COL26A1: variants seen among roughly 807,000 people sequenced by gnomAD.
COL26A1 encodes collagen type XXVI alpha 1 chain.
Under a neutral mutation model 59.3 loss-of-function variants are expected in COL26A1, and 41 were observed. That is an observed-to-expected ratio of 0.69 (90% CI 0.54 to 0.90). The LOEUF (loss-of-function observed/expected upper bound fraction) is 0.90, where lower values mean the gene tolerates loss of function less well. COL26A1 is among the 40% of genes least tolerant of loss of function. The probability of loss-of-function intolerance (pLI) is 0.00; values close to 1 mark genes in which losing one functional copy is unlikely to be tolerated. For synonymous variants in COL26A1, 266 were observed against 256.0 expected, an observed-to-expected ratio of 1.04 and a Z score of -0.37; for missense variants, 612 against 602.3, an observed-to-expected ratio of 1.02 and a Z score of -0.17.
chr7:101,534,646 C>A (rs536766091), intron 4 of COL26A1, among the ~76,000 whole-genome samples: 1 of 114,336 alleles, frequency 8.7e-6, no homozygotes, highest in Admixed American at 8.3e-5. Flanking sequence ...AATGGGCACA[C>A]ATACATATAC....
At chr7:101,368,260 G>A (rs953238119) in intron 1 of COL26A1, among the ~76,000 whole-genome samples, 3 of 152,082 alleles carry the variant, frequency 2.0e-5, no homozygotes, top group Admixed American at 6.6e-5. Flanking sequence ...TTTTTCTCTC[G>A]TGATGCTTGA....
At chr7:101,402,349 T>C (rs973882311) in intron 1 of COL26A1, among the ~76,000 whole-genome samples, 1 of 151,992 alleles carries the variant, frequency 6.6e-6, no homozygotes, top group Admixed American at 6.6e-5. Context: ...TGCAGGAGGA[T>C]GGGAGGAAAT....
rs1053774313 is a variant in COL26A1 at position 101,376,667 on chromosome 7, C to G, written c.158+13477C>G. ...GATGGTTTTTCCTTGTCTCTTAGGA[C>G]CCTGCTCAGGTTTTCAAGACCAGAG... On this transcript the variant is annotated intron_variant, in intron 1 of 12. Coordinates refer to ENST00000313669, the MANE Select transcript of COL26A1 (RefSeq NM_001278563.3). Among the ~76,000 whole-genome samples, 3 of 152,144 alleles carry G rather than the reference C, an allele frequency of 2.0e-5. No homozygotes were observed. The East Asian group carries it at 5.8e-4, about 29-fold the overall frequency.
chr7:101,380,070 C>T (rs1168940131), intron 1 of COL26A1, among the ~76,000 whole-genome samples: 4 of 152,086 alleles, frequency 2.6e-5, no homozygotes, highest in Admixed American at 2.6e-4. Context: ...CGGCTCACTG[C>T]AACCTCTGCC....
At chr7:101,496,661 G>A (rs1160960012) in intron 3 of COL26A1, among the ~76,000 whole-genome samples, 1 of 152,140 alleles carries the variant, frequency 6.6e-6, no homozygotes, top group Non-Finnish European at 1.5e-5. Context: ...CAAGGCGGAT[G>A]GATCACTTGA....
intron 2 of COL26A1, among the ~76,000 whole-genome samples, chr7:101,440,415 G>A (rs1055155344): frequency 1.3e-5 from 2 of 152,128 alleles, no homozygotes; most frequent in Non-Finnish European, 2.9e-5. Flanking sequence ...GGACCCTAGC[G>A]GCAGGGGCTG....
intron 1 of COL26A1, among the ~76,000 whole-genome samples, chr7:101,385,302 G>A (rs1562957047): frequency 1.4e-5 from 2 of 143,394 alleles, no homozygotes; most frequent in South Asian, 2.2e-4. Context: ...GTGTATATAC[G>A]GTGTGTGTGT....
intron 1 of COL26A1, among the ~76,000 whole-genome samples, chr7:101,369,443 C>CTTTTT (rs1210867917): frequency 5.3e-5 from 4 of 75,894 alleles, no homozygotes; most frequent in East Asian, 5.5e-4. Context: ...TAATCTGCAT[C>CTTTTT]TTTTTTTTTT....
At chr7:101,553,487 G>C in intron 11 of COL26A1, 111 bp downstream of exon 11, 1 of 1,059,166 alleles carries the variant, frequency 9.4e-7, no homozygotes, top group South Asian at 1.5e-5. Context: ...CCCCGAGCTG[G>C]GTGCTGGGCC....
intron 3 of COL26A1, among the ~76,000 whole-genome samples, chr7:101,459,507 A>G (rs2130421242): frequency 7.4e-6 from 1 of 135,018 alleles, no homozygotes; most frequent in African/African-American, 2.9e-5. Context: ...ATGGGATTTC[A>G]TCGTGTTAGC....
chr7:101,398,460 G>A (rs1229544402), intron 1 of COL26A1, among the ~76,000 whole-genome samples: 1 of 152,102 alleles, frequency 6.6e-6, no homozygotes, highest in African/African-American at 2.4e-5. Context: ...TCCTCTTATT[G>A]GGCTTATGGA....
At chr7:101,365,521 A>G (rs559431353) in intron 1 of COL26A1, among the ~76,000 whole-genome samples, 3 of 152,010 alleles carry the variant, frequency 2.0e-5, no homozygotes, top group African/African-American at 7.2e-5. Flanking sequence ...CTGCCTCCCA[A>G]GTTCAAGTGA....
At chr7:101,414,596 C>A (rs2130254206) in intron 1 of COL26A1, among the ~76,000 whole-genome samples, 1 of 152,254 alleles carries the variant, frequency 6.6e-6, no homozygotes, top group Non-Finnish European at 1.5e-5. Flanking sequence ...TGCCACCACA[C>A]CCGGCTAATT....
At chr7:101,510,027 C>CTTTTTTT (rs3073374) in intron 3 of COL26A1, among the ~76,000 whole-genome samples, 7,433 of 122,160 alleles carry the variant, frequency 0.061, 1,070 homozygotes, top group African/African-American at 0.2. Context: ...CGCGCCCAGT[C>CTTTTTTT]TTTTTTTTTT....
chr7:101,371,162 G>T (rs1791182720), intron 1 of COL26A1, among the ~76,000 whole-genome samples: 1 of 152,336 alleles, frequency 6.6e-6, no homozygotes, highest in Middle Eastern at 3.4e-3. Context: ...GAGCCCACGT[G>T]TAGGTAGGGT....
intron 4 of COL26A1, 136 bp from the exon 5 acceptor site, chr7:101,539,757 T>G: frequency 2.3e-6 from 2 of 863,782 alleles, no homozygotes; most frequent in Non-Finnish European, 3.4e-6. Flanking sequence ...GTTCTCCCAC[T>G]AAGGAGCGTG....
rs2130520259 is a variant in COL26A1, at chr7:101,489,718, T to TC, written c.385+41931_385+41932insC. On this transcript the variant is annotated intron_variant, in intron 3 of 12. Coordinates refer to ENST00000313669, the MANE Select transcript of COL26A1 (RefSeq NM_001278563.3). ...CTTTCTGTCTTTCTTTCTTTCATTC[T>TC]TTCTTTCTCTCTCTCTTTCTCTCTT... Among the ~76,000 whole-genome samples the TC allele has an allele frequency of 1.8e-5, 2 of 109,394 alleles. 1 individual carries two copies. The highest frequency in any genetic ancestry group is 4.3e-4 in the East Asian group (2 of 4,692). 71.8% of individuals were successfully genotyped at this position (109,394 alleles called of 152,430 possible). A position where few individuals can be genotyped will look rare whatever the true frequency, so the allele number is the denominator to read the frequency against.
At chr7:101,521,243 G>C (rs562558803) in intron 3 of COL26A1, among the ~76,000 whole-genome samples, 9 of 152,136 alleles carry the variant, frequency 5.9e-5, no homozygotes, top group Admixed American at 5.9e-4. Flanking sequence ...ACCTCCCACC[G>C]TGTCCCTCCC....
chr7:101,401,639 G>A (rs1361810483), intron 1 of COL26A1, among the ~76,000 whole-genome samples: 1 of 129,316 alleles, frequency 7.7e-6, no homozygotes, highest in African/African-American at 2.5e-5. Context: ...GGCAGAAGAG[G>A]GAGAGGAGGA....
Sources: allele counts gnomAD v4.1 joint callset (sites outside exome capture counted in the v4.1 genomes callset), GRCh38; gene constraint gnomAD v4.1.1; transcripts MANE v1.5; gene names NCBI Gene and HGNC (gene_info 2026-07-23, HGNC 2026-07-21).